DSTYK: variants seen among roughly 807,000 people sequenced by gnomAD.
The protein encoded by DSTYK is dual serine/threonine and tyrosine protein kinase, also known as RIP-homologous kinase.
A neutral mutation model predicts 98.7 loss-of-function variants in DSTYK; 34 were observed. That is an observed-to-expected ratio of 0.34 (90% CI 0.26 to 0.46). The LOEUF (loss-of-function observed/expected upper bound fraction) is 0.46. DSTYK is among the 20% of genes least tolerant of loss of function. DSTYK has a pLI of 1.00. For missense variants in DSTYK, 962 were observed against 1,181.7 expected (o/e 0.81, Z 2.73); for synonymous variants, 462 against 457.3 (o/e 1.01, Z -0.13).
chr1:205,166,639 C>G (rs1041109423), intron 3 of DSTYK, among the ~76,000 whole-genome samples: 13 of 152,136 alleles, frequency 8.5e-5, no homozygotes, highest in African/African-American at 2.9e-4. Context: ...TAATATGATG[C>G]CGGCAGTGAT....
chr1:205,211,213 C>A (rs1558632290), intron 1 of DSTYK, 58 bp downstream of exon 1: 9 of 1,524,130 alleles, frequency 5.9e-6, no homozygotes, highest in East Asian at 2.3e-5. Flanking sequence ...GGCAGGGGTG[C>A]GGTCCGTCCT....
rs976333507 is a variant in DSTYK at position 205,146,292 on chromosome 1, C to T, written c.*1266G>A. On this transcript the variant is annotated 3_prime_UTR_variant, in exon 13 of 13. Transcript: ENST00000367162. Reference sequence around the variant, plus strand: ...CAGTATGTTTGTACATAGGCCATGGCCTCCAATCATCTCCCACCTCTCAGT... The same window carrying T: ...CAGTATGTTTGTACATAGGCCATGGTCTCCAATCATCTCCCACCTCTCAGT... 1.6e-4 allele frequency: 25 copies of T among 152,218 alleles called. No homozygotes were observed. The highest frequency in any genetic ancestry group is 5.5e-4 in the African/African-American group (23 of 41,520). 9.4% of individuals were successfully genotyped at this position (152,218 alleles called of 1,614,324 possible). A position where few individuals can be genotyped will look rare whatever the true frequency, so the allele number is the denominator to read the frequency against.
intron 1 of DSTYK, among the ~76,000 whole-genome samples, chr1:205,209,638 TTTTCTGAAACTAC>T (rs1168066871): frequency 2.7e-4 from 15 of 55,450 alleles, no homozygotes; most frequent in Middle Eastern, 0.017. Context: ...GATGACTAGT[TTTTCTGAAACTAC>T]TAGTTTTTCT....
chr1:205,197,610 C>T lies in DSTYK; in HGVS notation c.266-9804G>A, dbSNP rs141463497. On this transcript the variant is annotated intron_variant, in intron 1 of 12. Transcript: ENST00000367162. ...ATTTTACTTGACAAGAAAAACCAGC[C>T]GGAAAAAAAAAAAATACATCAAATA... Among the ~76,000 whole-genome samples, 75 of 150,456 alleles carry T rather than the reference C, an allele frequency of 5.0e-4. 2 individuals carry two copies. The East Asian group carries it at 0.011, about 22-fold the overall frequency.
intron 1 of DSTYK, among the ~76,000 whole-genome samples, chr1:205,198,049 T>G (rs12079000): frequency 0.018 from 2,738 of 152,012 alleles, 87 homozygotes; most frequent in African/African-American, 0.062. Flanking sequence ...CAGAATTAGC[T>G]GGGCGTGGTG....
At chr1:205,210,776 T>A (rs779928175) in intron 1 of DSTYK, among the ~76,000 whole-genome samples, 12 of 152,192 alleles carry the variant, frequency 7.9e-5, no homozygotes, top group Non-Finnish European at 1.5e-4. Flanking sequence ...ATGATTGGTG[T>A]GAACACATTT....
At position 205,211,406 on chromosome 1, in the gene DSTYK, T is replaced by C. The variant is rs775457934; in HGVS notation, c.130A>G (p.Asn44Asp). ...YRRYLGRLRQ[N>D]LRETQKFFRD... Reference sequence around the variant, plus strand: ...AAGAACTTCTGGGTCTCGCGCAGGTTCTGTCGCAGCCGTCCCAGGTAGCGG... The same window carrying C: ...AAGAACTTCTGGGTCTCGCGCAGGTCCTGTCGCAGCCGTCCCAGGTAGCGG... The change falls in exon 1 of 13, where the codon AAC (asparagine) becomes GAC (aspartate). Residue 44 changes from asparagine to aspartate, a missense_variant. By Grantham distance (23) the Asn-to-Asp change is conservative. This residue lies in a region of DSTYK where 168 missense variants were observed against 120.0 expected (regional missense o/e 1.40). Transcript: ENST00000367162. 1.2e-6 allele frequency: 2 copies of C among 1,611,176 alleles called. No homozygotes were observed. The highest frequency in any genetic ancestry group is 1.7e-6 in the Non-Finnish European group (2 of 1,179,312).
intron 1 of DSTYK, 52 bp from the exon 2 acceptor site, chr1:205,187,858 G>A (rs1158186107): frequency 4.1e-6 from 6 of 1,478,580 alleles, no homozygotes; most frequent in South Asian, 1.3e-5. Flanking sequence ...AGAGAGAGGA[G>A]TGAGGAAGGG....
intron 1 of DSTYK, among the ~76,000 whole-genome samples, chr1:205,206,452 T>C (rs907659986): frequency 1.4e-4 from 21 of 150,662 alleles, no homozygotes; most frequent in Non-Finnish European, 3.0e-4. Context: ...GCTAATTTTG[T>C]ATTTTTAGTA....
At chr1:205,174,504 C>T (rs1266164741) in intron 2 of DSTYK, among the ~76,000 whole-genome samples, 5 of 120,470 alleles carry the variant, frequency 4.2e-5, no homozygotes, top group Admixed American at 2.9e-4. Context: ...CAGAGTGAGA[C>T]TCCGTCTCCA....
chr1:205,176,623 G>A (rs986401848), intron 2 of DSTYK, among the ~76,000 whole-genome samples: 1 of 143,428 alleles, frequency 7.0e-6, no homozygotes, highest in Non-Finnish European at 1.5e-5. Flanking sequence ...TAAATTTTTT[G>A]TAGAGACAAA....
At chr1:205,202,139 G>T in intron 1 of DSTYK, 1 of 518,724 alleles carries the variant, frequency 1.9e-6, no homozygotes. Flanking sequence ...GGAAGGGGAA[G>T]GGGAAGGGGA....
At chr1:205,171,930 A>G (rs1308787961) in intron 2 of DSTYK, among the ~76,000 whole-genome samples, 1 of 151,340 alleles carries the variant, frequency 6.6e-6, no homozygotes, top group Non-Finnish European at 1.5e-5. Context: ...TGCTGTTTTT[A>G]TTTCTTACCC....
chr1:205,203,003 A>G (rs936016713), intron 1 of DSTYK, among the ~76,000 whole-genome samples: 21 of 152,302 alleles, frequency 1.4e-4, no homozygotes, highest in African/African-American at 4.8e-4. Context: ...ATGGAGAAAG[A>G]AAAGGAGAAA....
chr1:205,205,665 G>A (rs1390242624), intron 1 of DSTYK, among the ~76,000 whole-genome samples: 2 of 151,830 alleles, frequency 1.3e-5, no homozygotes, highest in Non-Finnish European at 2.9e-5. Context: ...GGCTAGTCTC[G>A]AGCTCCTGAC....
chr1:205,204,006 A>G (rs10900471), intron 1 of DSTYK, among the ~76,000 whole-genome samples: 73,461 of 152,090 alleles, frequency 0.48, 21,029 homozygotes, highest in Non-Finnish European at 0.63. Flanking sequence ...AAGGCCAGAA[A>G]GGGAAAGGGT....
At position 205,211,556 on chromosome 1, in the gene DSTYK, T is replaced by G; in HGVS notation, c.-21A>C. 1 of 1,464,890 alleles carries G rather than the reference T, an allele frequency of 6.8e-7. No individual in the cohort carries two copies. The highest frequency in any genetic ancestry group is 9.0e-7 in the Non-Finnish European group (1 of 1,115,962). The allele number at this position is 1,464,890 out of a possible 1,614,324, so 90.7% of individuals were successfully genotyped here. ...TCCATCGCCTCTGCCCGCTCTGTCT[T>G]TGCGGCTCGGTCCCCGGCCGCAGGC... On this transcript the variant is annotated 5_prime_UTR_variant, in exon 1 of 13. Coordinates refer to ENST00000367162, the MANE Select transcript of DSTYK (RefSeq NM_015375.3).
intron 2 of DSTYK, among the ~76,000 whole-genome samples, chr1:205,181,557 G>A (rs1269177783): frequency 2.0e-5 from 3 of 151,884 alleles, no homozygotes; most frequent in African/African-American, 7.3e-5. Flanking sequence ...GTTTTACCAT[G>A]TTGGCCAGGC....
Position 205,144,269 on chromosome 1 carries a change from T to C in DSTYK, c.*3289A>G, listed in dbSNP as rs572362427. The C allele has an allele frequency of 2.1e-4, 32 of 152,608 alleles. No individual in the cohort carries two copies. The highest frequency in any genetic ancestry group is 2.4e-5 in the African/African-American group (1 of 41,580). The allele number at this position is 152,608 out of a possible 1,614,324, so 9.5% of individuals were successfully genotyped here. Reference sequence around the variant, plus strand: ...ATGTTGGGGTAAGCTGCCCTAATTATGTTGATTAGAAGGACAGACCACAAT... The same window carrying C: ...ATGTTGGGGTAAGCTGCCCTAATTACGTTGATTAGAAGGACAGACCACAAT... On this transcript the variant is annotated 3_prime_UTR_variant, in exon 13 of 13. Coordinates refer to ENST00000367162, the MANE Select transcript of DSTYK (RefSeq NM_015375.3).
Sources: gnomAD v4.1 joint callset for allele counts (sites outside exome capture counted in the v4.1 genomes callset) on GRCh38, gnomAD v4.1.1 for gene constraint, gnomAD v4.1.1 regional missense constraint, MANE v1.5 for transcripts, NCBI Gene and HGNC (gene_info 2026-07-23, HGNC 2026-07-21) for gene names.